EBF2: variants seen among roughly 807,000 people sequenced by gnomAD.
EBF2 encodes EBF transcription factor 2.
Under a neutral mutation model 72.8 loss-of-function variants are expected in EBF2, and 21 were observed. The observed-to-expected ratio is 0.29, with a 90% CI of 0.20 to 0.42. The LOEUF is 0.42. EBF2 is among the 10% of genes least tolerant of loss of function. The pLI, the probability that EBF2 is intolerant of heterozygous loss-of-function variation, is 1.00. For missense variants in EBF2, 637 were observed against 731.2 expected, an observed-to-expected ratio of 0.87 and a Z score of 1.49; for synonymous variants, 299 against 274.2, an observed-to-expected ratio of 1.09 and a Z score of -0.89.
At chr8:25,944,860 A>G (rs926678254) in intron 6 of EBF2, among the ~76,000 whole-genome samples, 3 of 151,820 alleles carry the variant, frequency 2.0e-5, no homozygotes, top group African/African-American at 7.3e-5. Context: ...TTTAATTATT[A>G]CATGCAGTTG....
intron 10 of EBF2, among the ~76,000 whole-genome samples, chr8:25,868,750 A>G (rs942278885): frequency 4.3e-4 from 66 of 152,198 alleles, no homozygotes; most frequent in Admixed American, 3.9e-3. Context: ...TGCTGGGACT[A>G]TAGGCATGAG....
intron 6 of EBF2, among the ~76,000 whole-genome samples, chr8:25,938,734 G>T (rs1015352881): frequency 3.9e-5 from 6 of 152,132 alleles, no homozygotes; most frequent in African/African-American, 1.4e-4. Context: ...AAGACTCCAG[G>T]GCTGGATTCT....
intron 6 of EBF2, among the ~76,000 whole-genome samples, chr8:25,934,242 C>T (rs1355243738): frequency 1.5e-5 from 2 of 134,018 alleles, no homozygotes; most frequent in Non-Finnish European, 3.4e-5. Context: ...CACACACACA[C>T]ACACACACAC....
rs983873885 is a variant in EBF2, at chr8:25,841,746, A to AT, written c.*2862dup. On this transcript the variant is annotated 3_prime_UTR_variant, in exon 16 of 16. Coordinates refer to ENST00000520164, the MANE Select transcript of EBF2 (RefSeq NM_022659.4). ...CTCATTTTTACAGTACAAAAATTTT[A>AT]TTTTTTTGTTAGGATAATTTAAAGT... The AT allele has an allele frequency of 1.3e-5, 2 of 152,128 alleles. No individual in the cohort carries two copies. Among genetic ancestry groups the AT allele is most frequent in the Non-Finnish European group, 2.9e-5 (2 of 68,008 alleles). 9.4% of individuals were successfully genotyped at this position (152,128 alleles called of 1,614,324 possible).
intron 5 of EBF2, among the ~76,000 whole-genome samples, chr8:26,038,373 A>C (rs1216601597): frequency 6.6e-6 from 1 of 152,240 alleles, no homozygotes; most frequent in Non-Finnish European, 1.5e-5. Flanking sequence ...GGCTTTAAAA[A>C]TTGATGCTGC....
chr8:25,959,497 G>C (rs541783512), intron 6 of EBF2, among the ~76,000 whole-genome samples: 3 of 152,208 alleles, frequency 2.0e-5, no homozygotes, highest in African/African-American at 7.2e-5. Flanking sequence ...GAGCCACAAG[G>C]CCTGGCCTAA....
At chr8:25,868,418 C>T (rs528252986) in intron 10 of EBF2, among the ~76,000 whole-genome samples, 178 of 152,306 alleles carry the variant, frequency 1.2e-3, no homozygotes, top group African/African-American at 4.0e-3. Flanking sequence ...CCCACATTCT[C>T]ATTTCTAATA....
chr8:25,902,870 T>C (rs11991765), intron 7 of EBF2, among the ~76,000 whole-genome samples: 5,566 of 152,204 alleles, frequency 0.037, 141 homozygotes, highest in Admixed American at 0.06. Context: ...GGTGAACATA[T>C]GGAAAGCTTC....
chr8:25,963,850 A>C (rs958332194), intron 6 of EBF2, among the ~76,000 whole-genome samples: 25 of 152,198 alleles, frequency 1.6e-4, no homozygotes, highest in African/African-American at 5.8e-4. Flanking sequence ...TAATTTAGGC[A>C]ATTTTTTATA....
At chr8:25,884,031 T>C (rs1802647245) in intron 10 of EBF2, among the ~76,000 whole-genome samples, 1 of 152,164 alleles carries the variant, frequency 6.6e-6, no homozygotes, top group South Asian at 2.1e-4. Flanking sequence ...TCTCCTCTGG[T>C]CCTGTGGCTT....
intron 7 of EBF2, among the ~76,000 whole-genome samples, chr8:25,904,598 T>C (rs1250034541): frequency 6.6e-6 from 1 of 152,220 alleles, no homozygotes; most frequent in African/African-American, 2.4e-5. Context: ...ATTGTGTATA[T>C]GGCTCTAAAT....
chr8:25,856,851 C>T (rs962531197), intron 14 of EBF2, among the ~76,000 whole-genome samples: 2 of 152,164 alleles, frequency 1.3e-5, no homozygotes, highest in African/African-American at 4.8e-5. Flanking sequence ...TTGCTTTAGC[C>T]TCTTGTAAAC....
At chr8:25,879,929 A>G (rs1320181235) in intron 10 of EBF2, among the ~76,000 whole-genome samples, 2 of 152,176 alleles carry the variant, frequency 1.3e-5, no homozygotes, top group Non-Finnish European at 2.9e-5. Context: ...CTTAATTTGC[A>G]TTTATTTATT....
chr8:25,949,592 G>T (rs1803825604), intron 6 of EBF2, among the ~76,000 whole-genome samples: 1 of 152,110 alleles, frequency 6.6e-6, no homozygotes, highest in African/African-American at 2.4e-5. Flanking sequence ...CTTTTAAAAT[G>T]CAAGTGTCCC....
At chr8:26,042,410 G>A (rs1242276002) in intron 1 of EBF2, among the ~76,000 whole-genome samples, 159 bp from the exon 2 acceptor site, 1 of 152,148 alleles carries the variant, frequency 6.6e-6, no homozygotes, top group African/African-American at 2.4e-5. Flanking sequence ...TAAGGAAGAG[G>A]AGACTCCTTA....
Position 26,033,548 on chromosome 8 carries a change from G to A in EBF2, c.483-395C>T, listed in dbSNP as rs146800341. 2.8e-3 allele frequency among the ~76,000 whole-genome samples: 420 copies of A among 152,292 alleles called. 3 individuals carry two copies. The highest frequency in any genetic ancestry group is 9.0e-3 in the African/African-American group (373 of 41,572). ...CCTGGCCACAAGAACATTCACCTTC[G>A]TGAATCTGTCTTGGAGGGAAACAAC... is the stretch of plus-strand genomic sequence containing the variant. On this transcript the variant is annotated intron_variant, in intron 5 of 15. Transcript: ENST00000520164.
chr8:26,002,116 G>A (rs1024097379), intron 6 of EBF2, among the ~76,000 whole-genome samples: 8 of 152,270 alleles, frequency 5.3e-5, no homozygotes, highest in African/African-American at 1.9e-4. Context: ...GGAACATAAG[G>A]ATCCCAGGCC....
At chr8:25,940,308 T>G (rs952254673) in intron 6 of EBF2, among the ~76,000 whole-genome samples, 2 of 152,230 alleles carry the variant, frequency 1.3e-5, no homozygotes, top group Admixed American at 1.3e-4. Flanking sequence ...TAGGAATTAC[T>G]AGCTGCGCAT....
chr8:26,042,151 C>T lies in EBF2; in HGVS notation c.232G>A (p.Gly78Ser). Residue 78 changes from glycine (G) to serine (S), a missense_variant, in exon 2 of 16, where the codon GGC (glycine) becomes AGC (serine). Transcript: ENST00000520164. The stretch of plus-strand genomic sequence containing the variant: ...GTCCGCTCGATCTCCACCGGCTGGC[C>T]CTGCCTGTCATAGAGCGCCAGGACG... ...HFVLALYDRQ[G>S]QPVEIERTAF... 1 of 1,614,130 alleles carries T rather than the reference C, an allele frequency of 6.2e-7. No homozygotes were observed. The highest frequency in any genetic ancestry group is 8.5e-7 in the Non-Finnish European group (1 of 1,180,028).
Sources: allele counts gnomAD v4.1 joint callset (sites outside exome capture counted in the v4.1 genomes callset), GRCh38; gene constraint gnomAD v4.1.1; transcripts MANE v1.5; gene names NCBI Gene and HGNC (gene_info 2026-07-23, HGNC 2026-07-21).